Variants in PTPRM observed in about 807,000 individuals in gnomAD.
PTPRM encodes the protein receptor-type tyrosine-protein phosphatase mu.
PTPRM carries 47 observed loss-of-function variants against 186.7 expected under a neutral mutation model. The ratio of observed to expected loss-of-function variants is 0.25; its 90% CI spans 0.20 to 0.32. The LOEUF is 0.32. PTPRM is among the 10% of genes least tolerant of loss of function. PTPRM has a pLI of 1.00. For missense variants in PTPRM, 1,494 were observed against 1,865.0 expected, an observed-to-expected ratio of 0.80 and a Z score of 3.66; for synonymous variants, 668 against 674.9, an observed-to-expected ratio of 0.99 and a Z score of 0.16.
chr18:8,372,521 T>G (rs2095669541), intron 24 of PTPRM, among the ~76,000 whole-genome samples: 1 of 152,224 alleles, frequency 6.6e-6, no homozygotes, highest in Non-Finnish European at 1.5e-5. Context: ...TCCAAATTTG[T>G]CATAGAATCA....
chr18:7,605,419 T>TCC (rs10654388), intron 1 of PTPRM, among the ~76,000 whole-genome samples: 3,261 of 149,626 alleles, frequency 0.022, 108 homozygotes, highest in African/African-American at 0.067. Context: ...AGCAAAAATG[T>TCC]CCCCCCCCCA....
chr18:7,940,646 T>G lies in PTPRM; in HGVS notation c.664-8535T>G, dbSNP rs188876757. ...TGGTGCGGCCATGGCACAGTGGGAC[T>G]GGGAGTGCCTGAGGATGGGAGGACT... On this transcript the variant is annotated intron_variant, in intron 5 of 32. Coordinates refer to ENST00000580170, the MANE Select transcript of PTPRM (RefSeq NM_001105244.2). Among the ~76,000 whole-genome samples the G allele has an allele frequency of 3.6e-3, 544 of 150,184 alleles. 1 individual carries two copies. The highest frequency in any genetic ancestry group is 0.014 in the Middle Eastern group (4 of 290).
At chr18:7,700,877 C>T (rs1204648690) in intron 1 of PTPRM, among the ~76,000 whole-genome samples, 1 of 147,030 alleles carries the variant, frequency 6.8e-6, no homozygotes, top group Non-Finnish European at 1.5e-5. Flanking sequence ...GTACTCCCAG[C>T]TAAGTGTGAG....
At chr18:7,716,367 C>G (rs2040331647) in intron 1 of PTPRM, among the ~76,000 whole-genome samples, 1 of 152,092 alleles carries the variant, frequency 6.6e-6, no homozygotes, top group African/African-American at 2.4e-5. Context: ...AACCTAAGAC[C>G]TAAAACCATA....
At chr18:7,959,482 A>G (rs1281470139) in intron 7 of PTPRM, among the ~76,000 whole-genome samples, 3 of 152,208 alleles carry the variant, frequency 2.0e-5, no homozygotes, top group Non-Finnish European at 4.4e-5. Flanking sequence ...TTCTTGTATT[A>G]AAATGGCAAG....
intron 2 of PTPRM, among the ~76,000 whole-genome samples, chr18:7,851,916 T>G (rs1353929818): frequency 6.6e-6 from 1 of 152,174 alleles, no homozygotes; most frequent in East Asian, 1.9e-4. Context: ...GGTTAGTGTT[T>G]TAAGTTTCTT....
At chr18:8,315,624 A>G (rs971697605) in intron 21 of PTPRM, among the ~76,000 whole-genome samples, 1 of 152,092 alleles carries the variant, frequency 6.6e-6, no homozygotes, top group African/African-American at 2.4e-5. Context: ...CCGAAGGCAT[A>G]CTCTGTGCTT....
intron 24 of PTPRM, among the ~76,000 whole-genome samples, chr18:8,372,562 T>A (rs1351305113): frequency 6.6e-6 from 1 of 152,196 alleles, no homozygotes; most frequent in Non-Finnish European, 1.5e-5. Flanking sequence ...TTTAATCTGT[T>A]TCTCATACTA....
rs562876002 is a variant in PTPRM, at chr18:8,119,572, T to C, written c.2167+4745T>C. ...TCAGCATTTTATAGAGAAAATGTAC[T>C]TTTTTCATGTCTGAAATAGTCTTTA... On this transcript the variant is annotated intron_variant, in intron 13 of 32. Transcript: ENST00000580170. Among the ~76,000 whole-genome samples the C allele has an allele frequency of 2.9e-3, 449 of 152,312 alleles. 1 individual carries two copies. Among genetic ancestry groups the C allele is most frequent in the African/African-American group, 0.01 (434 of 41,574 alleles).
At chr18:8,067,703 G>T (rs2089191385) in intron 7 of PTPRM, among the ~76,000 whole-genome samples, 2 of 152,126 alleles carry the variant, frequency 1.3e-5, no homozygotes, top group South Asian at 4.2e-4. Flanking sequence ...CAGACACAAA[G>T]AATTTATGCA....
chr18:8,330,972 C>A (rs766730443), intron 22 of PTPRM, among the ~76,000 whole-genome samples: 1 of 151,674 alleles, frequency 6.6e-6, no homozygotes, highest in Non-Finnish European at 1.5e-5. Context: ...TGTTGCCACA[C>A]ACTACCTACC....
At chr18:8,330,053 T>C (rs1465564750) in intron 22 of PTPRM, among the ~76,000 whole-genome samples, 2 of 152,162 alleles carry the variant, frequency 1.3e-5, no homozygotes, top group African/African-American at 4.8e-5. Flanking sequence ...TCCTCCTACC[T>C]CAGCCTCCCA....
At chr18:7,897,884 AAG>A (rs2049448840) in intron 3 of PTPRM, among the ~76,000 whole-genome samples, 1 of 152,218 alleles carries the variant, frequency 6.6e-6, no homozygotes, top group African/African-American at 2.4e-5. Flanking sequence ...GGAGGAAACA[AAG>A]AGAAAAGTGA....
At chr18:8,315,924 T>C (rs2095305984) in intron 21 of PTPRM, among the ~76,000 whole-genome samples, 1 of 152,212 alleles carries the variant, frequency 6.6e-6, no homozygotes, top group African/African-American at 2.4e-5. Context: ...ACTATTTTGA[T>C]AACAACCAAA....
chr18:7,623,807 A>G (rs1419442229), intron 1 of PTPRM, among the ~76,000 whole-genome samples: 1 of 152,158 alleles, frequency 6.6e-6, no homozygotes, highest in African/African-American at 2.4e-5. Flanking sequence ...CATGTGAGGT[A>G]GGTGGCATTG....
At chr18:7,765,718 G>A (rs892513888) in intron 1 of PTPRM, among the ~76,000 whole-genome samples, 2 of 152,034 alleles carry the variant, frequency 1.3e-5, no homozygotes, top group Non-Finnish European at 2.9e-5. Flanking sequence ...TAATTCTTTT[G>A]GGGGGTACTG....
chr18:7,699,760 G>A (rs1447921015), intron 1 of PTPRM, among the ~76,000 whole-genome samples: 2 of 150,488 alleles, frequency 1.3e-5, no homozygotes, highest in Non-Finnish European at 3.0e-5. Context: ...AACATTTTCT[G>A]TGGCCTGTTT....
In PTPRM at chr18:8,233,174, C is replaced by T. The variant is rs969335420; in HGVS notation, c.2301-10884C>T. 2.0e-5 allele frequency among the ~76,000 whole-genome samples: 3 copies of T among 152,272 alleles called. No individual in the cohort carries two copies. The East Asian group carries it at 5.8e-4, about 29-fold the overall frequency. ...GCTGAGCTAGTCACAATCCCTTTGCCGGCACACTACACACCTTGGCCTCCC... is the reference window on the plus strand; with the variant it reads ...GCTGAGCTAGTCACAATCCCTTTGCTGGCACACTACACACCTTGGCCTCCC... On this transcript the variant is annotated intron_variant, in intron 14 of 32. Coordinates refer to ENST00000580170, the MANE Select transcript of PTPRM (RefSeq NM_001105244.2).
intron 1 of PTPRM, among the ~76,000 whole-genome samples, chr18:7,713,051 C>A (rs2040246128): frequency 6.6e-6 from 1 of 151,854 alleles, no homozygotes; most frequent in African/African-American, 2.4e-5. Flanking sequence ...GAAGAGCAAC[C>A]CCAAGACACA....
Sources: allele counts gnomAD v4.1 joint callset (sites outside exome capture counted in the v4.1 genomes callset), GRCh38; gene constraint gnomAD v4.1.1; transcripts MANE v1.5; gene names NCBI Gene and HGNC (gene_info 2026-07-23, HGNC 2026-07-21).